CACNA1B: variants seen among roughly 807,000 people sequenced by gnomAD.
CACNA1B encodes the protein voltage-dependent N-type calcium channel subunit alpha-1B.
CACNA1B carries 70 observed loss-of-function variants against 247.2 expected under a neutral mutation model. That is an observed-to-expected ratio of 0.28 (90% CI 0.23 to 0.35). CACNA1B has a LOEUF of 0.35. CACNA1B is among the 10% of genes least tolerant of loss of function. The pLI is 1.00. For synonymous variants in CACNA1B, 1,231 were observed against 1,294.4 expected, an observed-to-expected ratio of 0.95 and a Z score of 1.05; for missense variants, 2,367 against 3,197.4, an observed-to-expected ratio of 0.74 and a Z score of 6.26.
In CACNA1B at chr9:138,122,993, GTCC is replaced by G. The variant is rs1016881058; in HGVS notation, c.*1001_*1003del. ...GTGGCAAACAAGGCAGCCATTTGCT[GTCC>G]TCCTCCCACGAGTGGAAGGGGTTTC... is the stretch of plus-strand genomic sequence containing the variant. On this transcript the variant is annotated 3_prime_UTR_variant, in exon 47 of 47. Transcript: ENST00000371372. 11 of 152,294 alleles carry G rather than the reference GTCC, an allele frequency of 7.2e-5. No individual in the cohort carries two copies. Among genetic ancestry groups the G allele is most frequent in the African/African-American group, 2.2e-4 (9 of 41,470 alleles). 9.4% of individuals were successfully genotyped at this position (152,294 alleles called of 1,614,324 possible).
intron 5 of CACNA1B, among the ~76,000 whole-genome samples, chr9:137,915,272 G>T (rs1251379839): frequency 6.6e-6 from 1 of 152,264 alleles, no homozygotes; most frequent in Non-Finnish European, 1.5e-5. Flanking sequence ...GAAACGGGAA[G>T]ACAGTGGAGC....
chr9:137,976,087 A>G, intron 12 of CACNA1B, 68 bp downstream of exon 12: 1 of 949,008 alleles, frequency 1.1e-6, no homozygotes, highest in Non-Finnish European at 1.7e-6. Flanking sequence ...GCCCCCTCCC[A>G]TAGGCCATGC....
chr9:138,110,446 GC>G (rs898507683), intron 39 of CACNA1B, among the ~76,000 whole-genome samples: 16 of 152,264 alleles, frequency 1.1e-4, no homozygotes, highest in African/African-American at 3.6e-4. Flanking sequence ...GAGGCCAAGT[GC>G]AGTGGCTTGT....
intron 6 of CACNA1B, among the ~76,000 whole-genome samples, chr9:137,918,026 C>T (rs946256710): frequency 6.6e-6 from 1 of 152,230 alleles, no homozygotes; most frequent in African/African-American, 2.4e-5. Context: ...CCCCCAAGAC[C>T]TTCCTCGGTC....
In CACNA1B at chr9:137,990,380, C is replaced by T. The variant is rs968535285; in HGVS notation, c.1974+3526C>T. 6.6e-6 allele frequency among the ~76,000 whole-genome samples: 1 copy of T among 152,000 alleles called. No homozygotes were observed. Among genetic ancestry groups the T allele is most frequent in the African/African-American group, 2.4e-5 (1 of 41,376 alleles). On this transcript the variant is annotated intron_variant, in intron 15 of 46. Transcript: ENST00000371372. The surrounding 1 kb of genome is among the most constrained non-coding windows in gnomAD (Gnocchi z 4.5). The stretch of plus-strand genomic sequence containing the variant: ...GTCTTTCTCTACCCACCCTGATGGC[C>T]GAAGACAAAGGTTATAATCTCCTGG...
At chr9:138,106,287 AGAG>A (rs1961422581) in intron 39 of CACNA1B, among the ~76,000 whole-genome samples, 1 of 152,104 alleles carries the variant, frequency 6.6e-6, no homozygotes, top group African/African-American at 2.4e-5. Context: ...TCCCCACCAC[AGAG>A]GAGATTACAG....
intron 39 of CACNA1B, among the ~76,000 whole-genome samples, chr9:138,109,574 G>A (rs1961551920): frequency 6.6e-6 from 1 of 152,074 alleles, no homozygotes; most frequent in African/African-American, 2.4e-5. Context: ...TGTGGATCAG[G>A]GCCCCACAGG....
intron 6 of CACNA1B, among the ~76,000 whole-genome samples, chr9:137,946,247 G>A (rs1363382146): frequency 1.3e-5 from 2 of 152,144 alleles, no homozygotes; most frequent in Admixed American, 6.5e-5. Flanking sequence ...GGCTAAGTGG[G>A]TTTCTTTTGT....
chr9:138,049,347 A>G, intron 24 of CACNA1B, 32 bp downstream of exon 24: 1 of 1,337,888 alleles, frequency 7.5e-7, no homozygotes, highest in Non-Finnish European at 1.1e-6. Context: ...CTGGCTAGGG[A>G]GAGCCCCCAG....
Position 137,971,320 on chromosome 9 carries a change from C to A in CACNA1B, c.1334-63C>A. The stretch of plus-strand genomic sequence containing the variant: ...CCTCCAGAGTGCGTCTGTGGGGGTC[C>A]ACAGGTGGGGTAGGCGGGTGCCCAT... On this transcript the variant is annotated intron_variant, in intron 10 of 46. Transcript: ENST00000371372. This position sits in a 1 kb window ranked among gnomAD's most constrained non-coding sequence, Gnocchi z 4.4. 8.1e-7 allele frequency: 1 copy of A among 1,241,160 alleles called. No homozygotes were observed. The highest frequency in any genetic ancestry group is 1.2e-6 in the Non-Finnish European group (1 of 867,022). 76.9% of individuals were successfully genotyped at this position (1,241,160 alleles called of 1,614,324 possible). A position where few individuals can be genotyped will look rare whatever the true frequency, so the allele number is the denominator to read the frequency against.
At chr9:138,028,550 C>G (rs182820329) in intron 20 of CACNA1B, among the ~76,000 whole-genome samples, 2 of 152,214 alleles carry the variant, frequency 1.3e-5, no homozygotes, top group East Asian at 3.9e-4. Flanking sequence ...CAAAAACATC[C>G]ATACGATTCC....
At chr9:138,106,269 G>A (rs565769656) in intron 39 of CACNA1B, among the ~76,000 whole-genome samples, 9 of 152,186 alleles carry the variant, frequency 5.9e-5, no homozygotes, top group East Asian at 5.8e-4. Flanking sequence ...TCTTCCCCAC[G>A]TCCACCTTCC....
intron 8 of CACNA1B, among the ~76,000 whole-genome samples, chr9:137,956,343 G>C (rs1229318862): frequency 6.6e-6 from 1 of 152,200 alleles, no homozygotes; most frequent in African/African-American, 2.4e-5. Flanking sequence ...TGTGGGCCCT[G>C]CTGGCTTCTG....
chr9:137,983,812 G>A (rs1208364390), intron 12 of CACNA1B, among the ~76,000 whole-genome samples: 1 of 149,434 alleles, frequency 6.7e-6, no homozygotes, highest in African/African-American at 2.5e-5. Context: ...CACAGAGGAG[G>A]TATTAGACCA....
intron 11 of CACNA1B, among the ~76,000 whole-genome samples, chr9:137,975,503 C>T (rs924402184): frequency 4.6e-5 from 7 of 152,148 alleles, no homozygotes; most frequent in Non-Finnish European, 8.8e-5. Context: ...AGGCCAGAGG[C>T]GGAAGGACCA....
At chr9:137,998,583 A>AAAAAC (rs762618884) in intron 15 of CACNA1B, among the ~76,000 whole-genome samples, 2 of 152,264 alleles carry the variant, frequency 1.3e-5, no homozygotes, top group Non-Finnish European at 2.9e-5. Context: ...CTCCGTCTCA[A>AAAAAC]AAAACAAAAC....
chr9:137,949,099 T>TG (rs1957838488), intron 6 of CACNA1B, among the ~76,000 whole-genome samples: 1 of 145,844 alleles, frequency 6.9e-6, no homozygotes. Flanking sequence ...GGTGTGTGCA[T>TG]GTTTGTGGTG....
chr9:138,016,653 G>A (rs117519667), intron 18 of CACNA1B, among the ~76,000 whole-genome samples: 1 of 152,064 alleles, frequency 6.6e-6, no homozygotes, highest in African/African-American at 2.4e-5. Context: ...CTCGAGGGCC[G>A]GGAGACGGTG....
rs868861650 is a variant in CACNA1B, at chr9:137,974,971, T to C, written c.1544-936T>C. ...CCTTTGGGAGGAGAGTCAGAGACAG[T>C]GGCCTCACCCTGACGCCTAGGACTC... On this transcript the variant is annotated intron_variant, in intron 11 of 46. Transcript: ENST00000371372. The surrounding 1 kb of genome is among the most constrained non-coding windows in gnomAD (Gnocchi z 4.5). 6.6e-6 allele frequency among the ~76,000 whole-genome samples: 1 copy of C among 152,302 alleles called. No homozygotes were observed. The highest frequency in any genetic ancestry group is 3.4e-3 in the Middle Eastern group (1 of 294).
Sources: allele counts gnomAD v4.1 joint callset (sites outside exome capture counted in the v4.1 genomes callset), GRCh38; gene constraint gnomAD v4.1.1; non-coding constraint Gnocchi (gnomAD v3.1); transcripts MANE v1.5; gene names NCBI Gene and HGNC (gene_info 2026-07-23, HGNC 2026-07-21).